Variants in GCNT4 observed in about 807,000 individuals in gnomAD.
The protein encoded by GCNT4 is beta-1,3-galactosyl-O-glycosyl-glycoprotein beta-1,6-N-acetylglucosaminyltransferase 4.
A neutral mutation model predicts 31.3 loss-of-function variants in GCNT4; 17 were observed. The ratio of observed to expected loss-of-function variants is 0.54; its 90% CI spans 0.37 to 0.81. The LOEUF is 0.81. GCNT4 is among the 40% of genes least tolerant of loss of function. The pLI is 0.00. For missense variants in GCNT4, 503 were observed against 525.5 expected (o/e 0.96, Z 0.42); for synonymous variants, 158 against 190.6 (o/e 0.83, Z 1.41).
chr5:75,020,716 C>T (rs1270201060), downstream of GCNT4, among the ~76,000 whole-genome samples: 1 of 152,102 alleles, frequency 6.6e-6, no homozygotes, highest in Admixed American at 6.5e-5. Flanking sequence ...GGTCAGAACA[C>T]AGAATATTGC....
rs1190618903 is a variant in GCNT4 at position 75,026,178 on chromosome 5, T to C, written c.*2498A>G. The C allele has an allele frequency of 6.6e-6, 1 of 152,196 alleles. No homozygotes were observed. Among genetic ancestry groups the C allele is most frequent in the Non-Finnish European group, 1.5e-5 (1 of 68,030 alleles). 9.4% of individuals were successfully genotyped at this position (152,196 alleles called of 1,614,324 possible). ...ACGGCATTTAAGTGATGAACAACTT[T>C]GGAAATTTCCCAATAAACAGGGGAT... is the stretch of plus-strand genomic sequence containing the variant. On this transcript the variant is annotated 3_prime_UTR_variant, in exon 4 of 4. Coordinates refer to ENST00000652361, the MANE Select transcript of GCNT4 (RefSeq NM_001366737.1).
chr5:75,053,851 CG>C (rs200191441), upstream of GCNT4, among the ~76,000 whole-genome samples: 3,085 of 152,356 alleles, frequency 0.02, 36 homozygotes, highest in Non-Finnish European at 0.029. Flanking sequence ...GCGTCATCCA[CG>C]TTCGGTTCCC....
At chr5:75,042,313 A>T (rs1407812391) in intron 3 of GCNT4, among the ~76,000 whole-genome samples, 1 of 152,248 alleles carries the variant, frequency 6.6e-6, no homozygotes, top group Non-Finnish European at 1.5e-5. Flanking sequence ...TATTTTTGAA[A>T]ATGTGTATCT....
intron 3 of GCNT4, among the ~76,000 whole-genome samples, chr5:75,042,955 C>A (rs1379508251): frequency 6.6e-6 from 1 of 152,116 alleles, no homozygotes; most frequent in East Asian, 1.9e-4. Context: ...ATCTGCAGTG[C>A]TTGGGAAAAT....
rs2149950223 is a variant in GCNT4 at position 75,028,437 on chromosome 5, G to A, written c.*239C>T. ...AATAATGTTTGATGACTGACTGAAT[G>A]TTTAAGATCTCTGATTTGGCTCAGT... On this transcript the variant is annotated 3_prime_UTR_variant, in exon 4 of 4. Coordinates refer to ENST00000652361, the MANE Select transcript of GCNT4 (RefSeq NM_001366737.1). The A allele has an allele frequency of 4.0e-6, 2 of 494,490 alleles. No individual in the cohort carries two copies. The highest frequency in any genetic ancestry group is 6.6e-5 in the South Asian group (2 of 30,400). The allele number at this position is 494,490 out of a possible 1,614,324, so 30.6% of individuals were successfully genotyped here. A position where few individuals can be genotyped will look rare whatever the true frequency, so the allele number is the denominator to read the frequency against.
rs1742941256 is a variant in GCNT4, at chr5:75,026,173, A to C, written c.*2503T>G. On this transcript the variant is annotated 3_prime_UTR_variant, in exon 4 of 4. Transcript: ENST00000652361. Reference sequence around the variant, plus strand: ...TGAATACGGCATTTAAGTGATGAACAACTTTGGAAATTTCCCAATAAACAG... The same window carrying C: ...TGAATACGGCATTTAAGTGATGAACCACTTTGGAAATTTCCCAATAAACAG... 6.6e-6 allele frequency: 1 copy of C among 152,206 alleles called. No individual in the cohort carries two copies. Among genetic ancestry groups the C allele is most frequent in the East Asian group, 1.9e-4 (1 of 5,198 alleles). The allele number at this position is 152,206 out of a possible 1,614,324, so 9.4% of individuals were successfully genotyped here.
chr5:75,029,267 G>A lies in GCNT4; in HGVS notation c.771C>T (p.Pro257=). The A allele has an allele frequency of 1.2e-6, 2 of 1,614,084 alleles. No individual in the cohort carries two copies. Among genetic ancestry groups the A allele is most frequent in the Non-Finnish European group, 1.7e-6 (2 of 1,180,008 alleles). The change falls in exon 4 of 4, where the codon CCC becomes CCT. Residue 257 remains proline (P), a synonymous_variant. Coordinates refer to ENST00000652361, the MANE Select transcript of GCNT4 (RefSeq NM_001366737.1). Reference sequence around the variant, plus strand: ...TGAATCTTTCCAATTTACTGTTTGGGGGTTTCACCGTCTCCAACATATTTG... The same window carrying A: ...TGAATCTTTCCAATTTACTGTTTGGAGGTTTCACCGTCTCCAACATATTTG... ...NGANMLETVK[P]PNSKLERFTY... is the part of the protein sequence containing the mutation.
At chr5:75,042,545 G>A (rs1163923646) in intron 3 of GCNT4, among the ~76,000 whole-genome samples, 4 of 152,202 alleles carry the variant, frequency 2.6e-5, no homozygotes, top group Admixed American at 1.3e-4. Context: ...CATGTCCATC[G>A]CAGAGGCAGC....
chr5:75,047,907 C>T lies in GCNT4; in HGVS notation c.-12G>A, dbSNP rs1346196134. On this transcript the variant is annotated 5_prime_UTR_variant, in exon 3 of 4. In the 5' UTR this introduces an upstream ATG that the reference lacks. Coordinates refer to ENST00000652361, the MANE Select transcript of GCNT4 (RefSeq NM_001366737.1). ...TAAACTGAAACTTACCTTTGTGTCA[C>T]CTCCAAAGAAAACCCCAGGCTGATG... 3 of 152,102 alleles carry T rather than the reference C, an allele frequency of 2.0e-5. No individual in the cohort carries two copies. The East Asian group carries it at 5.8e-4, about 29-fold the overall frequency. The allele number at this position is 152,102 out of a possible 1,614,324, so 9.4% of individuals were successfully genotyped here. A position where few individuals can be genotyped will look rare whatever the true frequency, so the allele number is the denominator to read the frequency against.
At position 75,029,159 on chromosome 5, in the gene GCNT4, G is replaced by C. The variant is rs1302872931; in HGVS notation, c.879C>G (p.Pro293=). The change falls in exon 4 of 4, where the codon CCC becomes CCG. Residue 293 remains proline, a synonymous_variant. Coordinates refer to ENST00000652361, the MANE Select transcript of GCNT4 (RefSeq NM_001366737.1). ...IRTNISKEAP[P]HNIQIFVGSA... ...TGCCAACAAATATCTGAATGTTATGGGGGGGTGCTTCCTTGGAGATGTTTG... is the reference window on the plus strand; with the variant it reads ...TGCCAACAAATATCTGAATGTTATGCGGGGGTGCTTCCTTGGAGATGTTTG... The C allele has an allele frequency of 1.2e-6, 2 of 1,613,736 alleles. No homozygotes were observed. Among genetic ancestry groups the C allele is most frequent in the Non-Finnish European group, 8.5e-7 (1 of 1,180,012 alleles).
chr5:75,036,702 T>G (rs1743208328), intron 3 of GCNT4, among the ~76,000 whole-genome samples: 1 of 152,214 alleles, frequency 6.6e-6, no homozygotes, highest in Non-Finnish European at 1.5e-5. Flanking sequence ...ACATTCTGTC[T>G]CTGCAGTCAG....
chr5:75,039,015 G>A (rs1191631073), intron 3 of GCNT4, among the ~76,000 whole-genome samples: 1 of 152,024 alleles, frequency 6.6e-6, no homozygotes. Flanking sequence ...ACACATACCT[G>A]TCCCTTCCTA....
chr5:75,023,874 G>A (rs1193206625), downstream of GCNT4: 2 of 152,192 alleles, frequency 1.3e-5, no homozygotes, highest in Non-Finnish European at 2.9e-5. Flanking sequence ...TTTTCTGGCT[G>A]TTTGTCTTAT....
chr5:75,049,948 C>CT lies in GCNT4; in HGVS notation c.-142-1912dup, dbSNP rs574382220. ...CACCAGCACTAAGGTTTACTGAGCA[C>CT]TTTATGTGCTTGCATAATGCACACA... On this transcript the variant is annotated intron_variant, in intron 2 of 3. Coordinates refer to ENST00000652361, the MANE Select transcript of GCNT4 (RefSeq NM_001366737.1). Among the ~76,000 whole-genome samples the CT allele has an allele frequency of 1.8e-4, 28 of 152,354 alleles. No homozygotes were observed. The East Asian group carries it at 3.7e-3, about 20-fold the overall frequency.
At chr5:75,019,984 A>T in the GCNT4 span, among the ~76,000 whole-genome samples, 1 of 152,336 alleles carries the variant, frequency 6.6e-6, no homozygotes, top group African/African-American at 2.4e-5. Context: ...TTAGACATTA[A>T]GGAATTATTC....
intron 3 of GCNT4, among the ~76,000 whole-genome samples, chr5:75,037,860 G>A (rs1743232050): frequency 6.7e-6 from 1 of 149,578 alleles, no homozygotes; most frequent in Admixed American, 6.7e-5. Flanking sequence ...CCTGGGCAAG[G>A]CAAGATTCAG....
At chr5:75,022,833 C>T (rs1742897583), downstream of GCNT4, among the ~76,000 whole-genome samples, 10 of 152,310 alleles carry the variant, frequency 6.6e-5, no homozygotes, top group South Asian at 2.1e-3. Flanking sequence ...TGCCATATAA[C>T]TCCCATCCTC....
At chr5:75,041,159 C>T (rs770471230) in intron 3 of GCNT4, among the ~76,000 whole-genome samples, 1 of 152,222 alleles carries the variant, frequency 6.6e-6, no homozygotes, top group South Asian at 2.1e-4. Flanking sequence ...ATGACTTGTT[C>T]TTGCATCCCT....
Position 75,046,307 on chromosome 5 carries a change from TGAG to T in GCNT4, c.-2+1587_-2+1589del, listed in dbSNP as rs751375361. 4.6e-5 allele frequency among the ~76,000 whole-genome samples: 7 copies of T among 152,252 alleles called. No individual in the cohort carries two copies. The South Asian group carries it at 1.0e-3, about 23-fold the overall frequency. The stretch of plus-strand genomic sequence containing the variant: ...CAGAGTGAGCTCCTCCTTGTTCCAC[TGAG>T]GTAGAATGTGGGGGTGTAGAGAAAG... On this transcript the variant is annotated intron_variant, in intron 3 of 3. Coordinates refer to ENST00000652361, the MANE Select transcript of GCNT4 (RefSeq NM_001366737.1).
Sources: allele counts gnomAD v4.1 joint callset (sites outside exome capture counted in the v4.1 genomes callset), GRCh38; gene constraint gnomAD v4.1.1; transcripts MANE v1.5; gene names NCBI Gene and HGNC (gene_info 2026-07-23, HGNC 2026-07-21).